Variants in ACACB observed in about 807,000 individuals in gnomAD.
ACACB encodes the protein acetyl-CoA carboxylase beta, also known as acetyl-CoA carboxylase 2.
ACACB carries 209 observed loss-of-function variants against 278.8 expected under a neutral mutation model. The ratio of observed to expected loss-of-function variants is 0.75; its 90% CI spans 0.67 to 0.84. The LOEUF (loss-of-function observed/expected upper bound fraction) is 0.84. ACACB is among the 40% of genes least tolerant of loss of function. ACACB has a pLI of 0.00. For synonymous variants in ACACB, 1,174 were observed against 1,285.6 expected (o/e 0.91, Z 1.86); for missense variants, 2,850 against 3,269.0 (o/e 0.87, Z 3.13).
chr12:109,264,661 G>A (rs1376402930), intron 50 of ACACB, among the ~76,000 whole-genome samples: 1 of 152,154 alleles, frequency 6.6e-6, no homozygotes, highest in African/African-American at 2.4e-5. Flanking sequence ...GGGACCACTA[G>A]TCTGATGGCT....
chr12:109,254,781 CT>C (rs111235224), intron 44 of ACACB, among the ~76,000 whole-genome samples: 407 of 144,936 alleles, frequency 2.8e-3, no homozygotes, highest in Middle Eastern at 3.6e-3. Flanking sequence ...GTCTCCTCTT[CT>C]TTTTTTTTTT....
intron 24 of ACACB, among the ~76,000 whole-genome samples, chr12:109,220,903 G>A (rs977900830): frequency 6.6e-6 from 1 of 152,056 alleles, no homozygotes; most frequent in Non-Finnish European, 1.5e-5. Flanking sequence ...TATGTAGAAG[G>A]CAATGGTTAG....
At chr12:109,193,535 G>T in intron 15 of ACACB, 113 bp from the exon 16 acceptor site, 1 of 836,632 alleles carries the variant, frequency 1.2e-6, no homozygotes, top group Non-Finnish European at 2.0e-6. Context: ...AGCATTTTTA[G>T]TGCAGTCAGG....
rs2043934680 is a variant in ACACB at position 109,167,095 on chromosome 12, G to C, written c.786+102G>C. The C allele has an allele frequency of 3.4e-5, 52 of 1,514,214 alleles. 1 individual carries two copies. In the South Asian group the frequency reaches 6.0e-4, roughly 17 times the overall value. The allele number at this position is 1,514,214 out of a possible 1,614,324, so 93.8% of individuals were successfully genotyped here. ...ATTCGGGTTCAGGCTCATTCTGCCT[G>C]CTGCAGAGAGGGGGTGAGGGCCACG... On this transcript the variant is annotated intron_variant, in intron 3 of 52. Coordinates refer to ENST00000338432, the MANE Select transcript of ACACB (RefSeq NM_001093.4).
intron 2 of ACACB, among the ~76,000 whole-genome samples, chr12:109,151,261 G>A (rs968010233): frequency 2.0e-5 from 3 of 152,112 alleles, no homozygotes; most frequent in African/African-American, 4.8e-5. Context: ...GGGATTACAG[G>A]TGTGAGCCAC....
At chr12:109,206,632 C>G in intron 19 of ACACB, 78 bp from the exon 20 acceptor site, 1 of 1,543,678 alleles carries the variant, frequency 6.5e-7, no homozygotes. Context: ...GCAGATCTGT[C>G]CTGCCTCCCG....
rs760676161 is a variant in ACACB, at chr12:109,188,154, G to A, written c.2136G>A (p.Glu712=). 6.3e-7 allele frequency: 1 copy of A among 1,598,558 alleles called. No homozygotes were observed. The highest frequency in any genetic ancestry group is 8.6e-7 in the Non-Finnish European group (1 of 1,167,594). Residue 712 remains glutamate (E), a synonymous_variant, in exon 13 of 53, where the codon GAG becomes GAA. Transcript: ENST00000338432. ...TCTCCTGGGGAGAGAACCGGGAAGA[G>A]GCCATTTCGTCAGTATCTCCTTCCT... The part of the protein sequence containing the change: ...HCFSWGENRE[E]AISNMVVALK...
At chr12:109,186,721 G>A (rs950444824) in intron 12 of ACACB, among the ~76,000 whole-genome samples, 1 of 152,008 alleles carries the variant, frequency 6.6e-6, no homozygotes, top group African/African-American at 2.4e-5. Context: ...TTTAAGCTAG[G>A]GTAGCTGTAT....
chr12:109,150,098 G>A (rs1414666488), intron 2 of ACACB, among the ~76,000 whole-genome samples: 1 of 152,230 alleles, frequency 6.6e-6, no homozygotes, highest in Non-Finnish European at 1.5e-5. Flanking sequence ...CAGCACCCAT[G>A]GTGCGATCAT....
upstream of ACACB, among the ~76,000 whole-genome samples, chr12:109,114,450 G>A (rs1384159345): frequency 6.6e-6 from 1 of 152,126 alleles, no homozygotes; most frequent in Non-Finnish European, 1.5e-5. Flanking sequence ...GATTTAATTG[G>A]TGGGGGAAGG....
chr12:109,185,363 A>G lies in ACACB; in HGVS notation c.1819-216A>G, dbSNP rs140568218. Among the ~76,000 whole-genome samples, 3,097 of 152,026 alleles carry G rather than the reference A, an allele frequency of 0.02. 46 individuals carry two copies. Among genetic ancestry groups the G allele is most frequent in the Middle Eastern group, 0.037 (11 of 294 alleles). The stretch of plus-strand genomic sequence containing the variant: ...TTCATAAATATTTTTCCTTTTCCCA[A>G]CTGTACTATTTGCTCCACTGTGAAA... On this transcript the variant is annotated intron_variant, in intron 11 of 52. Transcript: ENST00000338432.
At chr12:109,164,392 C>A (rs939373505) in intron 2 of ACACB, among the ~76,000 whole-genome samples, 2 of 152,022 alleles carry the variant, frequency 1.3e-5, no homozygotes, top group Non-Finnish European at 2.9e-5. Context: ...AACTCTGTGT[C>A]TGGATAACTT....
chr12:109,261,869 TAAAAAAAAAACAAAAA>T (rs1276824170), intron 48 of ACACB, among the ~76,000 whole-genome samples: 4 of 66,906 alleles, frequency 6.0e-5, no homozygotes, highest in African/African-American at 2.3e-4. Context: ...AGACCCTGTC[TAAAAAAAAAACAAAAA>T]AAAAAAAAAA....
rs543311017 is a variant in ACACB, at chr12:109,185,495, C to T, written c.1819-84C>T. Reference sequence around the variant, plus strand: ...TATCCTAAATCATTGACTGAACCTCCGTTGCATCTACCACTGTGCCTGGTG... The same window carrying T: ...TATCCTAAATCATTGACTGAACCTCTGTTGCATCTACCACTGTGCCTGGTG... On this transcript the variant is annotated intron_variant, in intron 11 of 52. Transcript: ENST00000338432. The T allele has an allele frequency of 2.1e-5, 30 of 1,451,546 alleles. No homozygotes were observed. In the East Asian group the frequency reaches 4.1e-4, roughly 20 times the overall value. 89.9% of individuals were successfully genotyped at this position (1,451,546 alleles called of 1,614,324 possible). A position where few individuals can be genotyped will look rare whatever the true frequency, so the allele number is the denominator to read the frequency against.
chr12:109,166,666 AAAAAAAAAAAAC>A (rs1238416510), intron 2 of ACACB, among the ~76,000 whole-genome samples, 183 bp from the exon 3 acceptor site: 11 of 144,262 alleles, frequency 7.6e-5, no homozygotes, highest in Middle Eastern at 3.2e-3. Context: ...AAAAAAAAAA[AAAAAAAAAAAAC>A]CGAAGGTGCT....
chr12:109,147,806 A>G (rs1386759453), intron 2 of ACACB, among the ~76,000 whole-genome samples: 1 of 152,178 alleles, frequency 6.6e-6, no homozygotes, highest in Admixed American at 6.5e-5. Context: ...GTGGGAATGG[A>G]TGAACGAATG....
At chr12:109,178,160 A>G (rs2044338862) in intron 9 of ACACB, among the ~76,000 whole-genome samples, 1 of 152,198 alleles carries the variant, frequency 6.6e-6, no homozygotes, top group Admixed American at 6.5e-5. Context: ...TTTTACATAG[A>G]CATTCATACA....
In ACACB at chr12:109,180,075, C is replaced by T. The variant is rs992098222; in HGVS notation, c.1806C>T (p.Ala602=). Residue 602 remains alanine, a synonymous_variant, in exon 11 of 53, where the codon GCC becomes GCT. Transcript: ENST00000338432. Reference sequence around the variant, plus strand: ...TGATTGCTGATGTTAATCTGCCGGCCGCCCAGCTACAGGTGAGAAAATGGG... The same window carrying T: ...TGATTGCTGATGTTAATCTGCCGGCTGCCCAGCTACAGGTGAGAAAATGGG... ...TEMIADVNLP[A]AQLQIAMGVP... 9 of 1,610,844 alleles carry T rather than the reference C, an allele frequency of 5.6e-6. No individual in the cohort carries two copies. The highest frequency in any genetic ancestry group is 1.1e-5 in the South Asian group (1 of 90,978).
chr12:109,204,858 T>C (rs574042573), intron 19 of ACACB, among the ~76,000 whole-genome samples: 65 of 152,180 alleles, frequency 4.3e-4, no homozygotes. Flanking sequence ...TCTTTCTCTC[T>C]TTTTTTGAGA....
Sources: gnomAD v4.1 joint callset for allele counts (sites outside exome capture counted in the v4.1 genomes callset) on GRCh38, gnomAD v4.1.1 for gene constraint, MANE v1.5 for transcripts, NCBI Gene and HGNC (gene_info 2026-07-23, HGNC 2026-07-21) for gene names.